The following DPYSL2 variants were observed in gnomAD, a reference collection of about 807,000 sequenced individuals.
DPYSL2 encodes dihydropyrimidinase-related protein 2.
A neutral mutation model predicts 69.9 loss-of-function variants in DPYSL2; 13 were observed. That is an observed-to-expected ratio of 0.19 (90% CI 0.12 to 0.30). DPYSL2 has a LOEUF of 0.30. Ranked by LOEUF, DPYSL2 falls within the 10% of genes least tolerant of loss-of-function variation. DPYSL2 has a pLI of 1.00. For synonymous variants in DPYSL2, 326 were observed against 359.1 expected, an observed-to-expected ratio of 0.91 and a Z score of 1.04; for missense variants, 587 against 918.9, an observed-to-expected ratio of 0.64 and a Z score of 4.67.
intron 1 of DPYSL2, among the ~76,000 whole-genome samples, chr8:26,522,859 AT>A (rs1303325783): frequency 6.6e-6 from 1 of 151,722 alleles, no homozygotes; most frequent in Non-Finnish European, 1.5e-5. Context: ...CAATTTATCT[AT>A]TTTTTTCTTT....
intron 1 of DPYSL2, among the ~76,000 whole-genome samples, chr8:26,522,510 T>G (rs1009381309): frequency 1.3e-5 from 2 of 152,372 alleles, no homozygotes; most frequent in Admixed American, 1.3e-4. Context: ...TAGCCAACAC[T>G]TGTTATTTTC....
At chr8:26,515,165 G>A (rs971615484) in intron 1 of DPYSL2, among the ~76,000 whole-genome samples, 3 of 152,162 alleles carry the variant, frequency 2.0e-5, no homozygotes, top group Non-Finnish European at 4.4e-5. Flanking sequence ...GCCTCCGCCC[G>A]CGCCTTCTGC....
chr8:26,653,499 T>G lies in DPYSL2; in HGVS notation c.1942+102T>G. On this transcript the variant is annotated intron_variant, in intron 13 of 13. Transcript: ENST00000521913. This position sits in a 1 kb window ranked among gnomAD's most constrained non-coding sequence, Gnocchi z 5.7. The stretch of plus-strand genomic sequence containing the variant: ...GAAAGGACACAGAAATAGAAGTGAA[T>G]GATATTCCCTTTCTCTCCAACGTGA... 8.6e-7 allele frequency: 1 copy of G among 1,157,466 alleles called. No homozygotes were observed. Among genetic ancestry groups the G allele is most frequent in the Non-Finnish European group, 1.2e-6 (1 of 811,402 alleles). 71.7% of individuals were successfully genotyped at this position (1,157,466 alleles called of 1,614,324 possible). A position where few individuals can be genotyped will look rare whatever the true frequency, so the allele number is the denominator to read the frequency against.
intron 1 of DPYSL2, among the ~76,000 whole-genome samples, chr8:26,573,605 T>G (rs12545191): frequency 0.44 from 64,097 of 146,736 alleles, 16,290 homozygotes; most frequent in East Asian, 0.71. Flanking sequence ...AAGGCGGAGC[T>G]TGCAGTGAGC....
rs953763484 is a variant in DPYSL2, at chr8:26,609,677, G to A, written c.629-14466G>A. On this transcript the variant is annotated intron_variant, in intron 3 of 13. Coordinates refer to ENST00000521913, the MANE Select transcript of DPYSL2 (RefSeq NM_001197293.3). The surrounding 1 kb of genome is among the most constrained non-coding windows in gnomAD (Gnocchi z 6.5). ...GGCTGGACGCTGCCGGCTGCCACCCGTCGCTGAGCTGGAGCTCCCCAGAGT... is the reference window on the plus strand; with the variant it reads ...GGCTGGACGCTGCCGGCTGCCACCCATCGCTGAGCTGGAGCTCCCCAGAGT... Among the ~76,000 whole-genome samples the A allele has an allele frequency of 2.0e-5, 3 of 152,190 alleles. No homozygotes were observed. Among genetic ancestry groups the A allele is most frequent in the African/African-American group, 4.8e-5 (2 of 41,430 alleles).
Position 26,621,696 on chromosome 8 carries a change from G to T in DPYSL2, c.629-2447G>T, listed in dbSNP as rs906119799. Among the ~76,000 whole-genome samples, 3 of 152,156 alleles carry T rather than the reference G, an allele frequency of 2.0e-5. No individual in the cohort carries two copies. The highest frequency in any genetic ancestry group is 6.5e-5 in the Admixed American group (1 of 15,274). ...GAGATGCCCAAGTCAAGAGCGAGGG[G>T]AATGGGTTTCCAGAGAGAGAGAGGG... On this transcript the variant is annotated intron_variant, in intron 3 of 13. Transcript: ENST00000521913. This position sits in a 1 kb window ranked among gnomAD's most constrained non-coding sequence, Gnocchi z 4.9.
chr8:26,528,949 T>C (rs1585490635), intron 1 of DPYSL2, among the ~76,000 whole-genome samples: 1 of 152,012 alleles, frequency 6.6e-6, no homozygotes, highest in Non-Finnish European at 1.5e-5. Flanking sequence ...TTAGGGTAGG[T>C]GGATATTGGC....
intron 1 of DPYSL2, among the ~76,000 whole-genome samples, chr8:26,531,642 C>G (rs1800512664): frequency 3.3e-5 from 5 of 152,248 alleles, no homozygotes; most frequent in Admixed American, 2.0e-4. Context: ...ATTGTTCACA[C>G]TGGCCCAGAG....
intron 3 of DPYSL2, among the ~76,000 whole-genome samples, chr8:26,595,692 C>T (rs1005463972): frequency 2.6e-5 from 4 of 152,184 alleles, no homozygotes; most frequent in Admixed American, 6.5e-5. Context: ...GTGGGTGTTT[C>T]GGCTAAGGAA....
In DPYSL2 at chr8:26,644,029, C is replaced by G. The variant is rs761850266; in HGVS notation, c.1363C>G (p.Leu455Val). ...GGCTGTAGGAAAGGACAACTTCACC[C>G]TGATTCCGGAGGGCACCAATGGCAC... ...QKAVGKDNFT[L>V]IPEGTNGTEE... The change falls in exon 10 of 14, where the codon CTG (leucine) becomes GTG (valine). Residue 455 changes from leucine to valine, a missense_variant. Physicochemically the swap from Leu to Val is conservative, Grantham distance 32 (BLOSUM62 1). Transcript: ENST00000521913. The surrounding 1 kb of genome is among the most constrained non-coding windows in gnomAD (Gnocchi z 4.5). 6 of 1,614,252 alleles carry G rather than the reference C, an allele frequency of 3.7e-6. No individual in the cohort carries two copies. Among genetic ancestry groups the G allele is most frequent in the Non-Finnish European group, 5.1e-6 (6 of 1,180,044 alleles).
chr8:26,519,857 C>T (rs1016270791), intron 1 of DPYSL2, among the ~76,000 whole-genome samples: 10 of 151,660 alleles, frequency 6.6e-5, no homozygotes, highest in South Asian at 2.1e-4. Flanking sequence ...TTGGTATGGA[C>T]GATTTTGTTA....
At chr8:26,584,084 G>A (rs1308323775) in intron 3 of DPYSL2, 101 bp downstream of exon 3, 1 of 1,220,768 alleles carries the variant, frequency 8.2e-7, no homozygotes, top group East Asian at 2.4e-5. Flanking sequence ...GCTGTCCTGA[G>A]CCACAGTTCA....
chr8:26,555,520 G>C (rs1407225499), intron 1 of DPYSL2, among the ~76,000 whole-genome samples: 2 of 151,986 alleles, frequency 1.3e-5, no homozygotes, highest in Non-Finnish European at 2.9e-5. Flanking sequence ...AAAAAAATTA[G>C]ATATAAATCT....
intron 1 of DPYSL2, among the ~76,000 whole-genome samples, chr8:26,518,233 C>T (rs1004841428): frequency 3.3e-5 from 5 of 152,042 alleles, no homozygotes; most frequent in African/African-American, 1.2e-4. Context: ...AAAGGCAATA[C>T]CTTGATACTT....
rs774226544 is a variant in DPYSL2 at position 26,652,476 on chromosome 8, G to T, written c.1776+40G>T. 1.3e-6 allele frequency: 2 copies of T among 1,564,210 alleles called. No individual in the cohort carries two copies. Among genetic ancestry groups the T allele is most frequent in the East Asian group, 2.3e-5 (1 of 43,746 alleles). On this transcript the variant is annotated intron_variant, in intron 12 of 13. Transcript: ENST00000521913. This position sits in a 1 kb window ranked among gnomAD's most constrained non-coding sequence, Gnocchi z 6.3. ...TCTGATGAATTTTTTGTTAAATCAC[G>T]AATTAAGTTCAAGGCCACAAACATT...
In DPYSL2 at chr8:26,591,457, G is replaced by A. The variant is rs529764329; in HGVS notation, c.628+7474G>A. 3.3e-5 allele frequency among the ~76,000 whole-genome samples: 5 copies of A among 152,314 alleles called. No homozygotes were observed. In the South Asian group the frequency reaches 1.0e-3, roughly 32 times the overall value. On this transcript the variant is annotated intron_variant, in intron 3 of 13. Transcript: ENST00000521913. The surrounding 1 kb of genome is among the most constrained non-coding windows in gnomAD (Gnocchi z 5.8). ...GTCCTGGCTGAGTGAGTTGGGCAGA[G>A]ACTTCTGAGGACAGCGATCGTGGCC...
At chr8:26,568,360 A>C (rs1187029575) in intron 1 of DPYSL2, among the ~76,000 whole-genome samples, 2 of 152,098 alleles carry the variant, frequency 1.3e-5, no homozygotes, top group Non-Finnish European at 2.9e-5. Flanking sequence ...GTACTACAAG[A>C]GGGGGACTGT....
At chr8:26,632,870 A>G (rs556528830) in intron 7 of DPYSL2, among the ~76,000 whole-genome samples, 2 of 152,316 alleles carry the variant, frequency 1.3e-5, no homozygotes, top group South Asian at 2.1e-4. Context: ...TGGGTGTTTA[A>G]TATGCTTTTT....
chr8:26,539,902 G>T (rs1026836687), intron 1 of DPYSL2, among the ~76,000 whole-genome samples: 4 of 152,164 alleles, frequency 2.6e-5, no homozygotes, highest in Admixed American at 1.3e-4. Flanking sequence ...AGAAGTGACT[G>T]TTTCCACAAG....
Sources: gnomAD v4.1 joint callset for allele counts (sites outside exome capture counted in the v4.1 genomes callset) on GRCh38, gnomAD v4.1.1 for gene constraint, Gnocchi (gnomAD v3.1) non-coding constraint, MANE v1.5 for transcripts, NCBI Gene and HGNC (gene_info 2026-07-23, HGNC 2026-07-21) for gene names.